Variants in PIK3R5 observed in about 807,000 individuals in gnomAD.
PIK3R5 encodes the protein phosphoinositide 3-kinase regulatory subunit 5.
In PIK3R5, 32 loss-of-function variants were observed where a neutral mutation model predicts 94.9. The observed-to-expected ratio is 0.34, with a 90% CI of 0.25 to 0.45. The LOEUF is 0.45. Ranked by LOEUF, PIK3R5 falls within the 20% of genes least tolerant of loss-of-function variation. The pLI, the probability that PIK3R5 is intolerant of heterozygous loss-of-function variation, is 1.00. For missense variants in PIK3R5, 853 were observed against 1,144.6 expected (o/e 0.75, Z 3.68); for synonymous variants, 443 against 479.4 (o/e 0.92, Z 0.99).
intron 15 of PIK3R5, among the ~76,000 whole-genome samples, chr17:8,883,300 G>A (rs750063900): frequency 1.3e-4 from 20 of 152,202 alleles, no homozygotes; most frequent in Non-Finnish European, 2.2e-4. Context: ...CCAGGGAGGC[G>A]GATGTTGCAG....
In PIK3R5 at chr17:8,886,251, G is replaced by A. The variant is rs774344215; in HGVS notation, c.2106C>T (p.Ala702=). 1 of 1,613,140 alleles carries A rather than the reference G, an allele frequency of 6.2e-7. No individual in the cohort carries two copies. The highest frequency in any genetic ancestry group is 8.5e-7 in the Non-Finnish European group (1 of 1,179,734). Residue 702 remains alanine, a synonymous_variant, in exon 14 of 19, where the codon GCC becomes GCT. Coordinates refer to ENST00000447110, the MANE Select transcript of PIK3R5 (RefSeq NM_001142633.3). ...CACCTGACGCCTTGATGGCACGTGT[G>A]GCAGCGGAGTGACCCAGCTCCAAGG... is the stretch of plus-strand genomic sequence containing the variant. ...IHSLELGHSA[A]TRAIKASGPG...
intron 11 of PIK3R5, 21 bp from the exon 12 acceptor site, chr17:8,887,242 C>A: frequency 1.2e-6 from 2 of 1,613,112 alleles, no homozygotes; most frequent in South Asian, 2.2e-5. Flanking sequence ...GAACAAGAGT[C>A]ATCATCCCAG....
At chr17:8,947,470 A>G (rs1474181591) in intron 1 of PIK3R5, among the ~76,000 whole-genome samples, 1 of 152,222 alleles carries the variant, frequency 6.6e-6, no homozygotes, top group Non-Finnish European at 1.5e-5. Flanking sequence ...TTATGAAAGC[A>G]GCTATCCAAG....
At position 8,888,279 on chromosome 17, in the gene PIK3R5, C is replaced by T. The variant is rs762772526; in HGVS notation, c.1508G>A (p.Arg503His). ...LAPASRPQRR[R>H]PFLSGDEDPK... ...ATCCTCATCTCCACTCAGGAAGGGG[C>T]GGCGGCGCTGGGGGCGTGAAGCAGG... The change falls in exon 10 of 19, where the codon CGC (arginine) becomes CAC (histidine). Residue 503 changes from arginine to histidine, a missense_variant. Coordinates refer to ENST00000447110, the MANE Select transcript of PIK3R5 (RefSeq NM_001142633.3). The surrounding 1 kb of genome is among the most constrained non-coding windows in gnomAD (Gnocchi z 7.8). 2.0e-5 allele frequency: 33 copies of T among 1,613,060 alleles called. No individual in the cohort carries two copies. Among genetic ancestry groups the T allele is most frequent in the Admixed American group, 3.3e-5 (2 of 59,984 alleles).
rs1037671630 is a variant in PIK3R5 at position 8,955,729 on chromosome 17, G to A, written c.-14+9867C>T. The stretch of plus-strand genomic sequence containing the variant: ...ACCATCAAAACGGGCTGGGGAGTGG[G>A]GAACAAGGAAGATGGAGGGAGGACT... On this transcript the variant is annotated intron_variant, in intron 1 of 18. Coordinates refer to ENST00000447110, the MANE Select transcript of PIK3R5 (RefSeq NM_001142633.3). This position sits in a 1 kb window ranked among gnomAD's most constrained non-coding sequence, Gnocchi z 4.4. Among the ~76,000 whole-genome samples, 4 of 152,234 alleles carry A rather than the reference G, an allele frequency of 2.6e-5. No homozygotes were observed. Among genetic ancestry groups the A allele is most frequent in the Admixed American group, 1.3e-4 (2 of 15,296 alleles).
Position 8,880,728 on chromosome 17 carries a change from T to G in PIK3R5, c.2554A>C (p.Thr852Pro), listed in dbSNP as rs376974440. Reference sequence around the variant, plus strand: ...GCCTGGGCCGGCAGGTCAGGAGGCGTCTGGGGTGGTGAGGAGAGGTCGCTC... The same window carrying G: ...GCCTGGGCCGGCAGGTCAGGAGGCGGCTGGGGTGGTGAGGAGAGGTCGCTC... Reference protein sequence around the residue: ...EKSDLSSPPQTPPDLPAQAAP... With the variant: ...EKSDLSSPPQPPPDLPAQAAP... Residue 852 changes from threonine to proline, a missense_variant, in exon 19 of 19, where the codon ACG becomes CCG. By Grantham distance (38) the Thr-to-Pro change is conservative. Around this residue, in one of 6 missense-constraint regions of PIK3R5, gnomAD observed 91 missense variants for 90.5 expected, o/e 1.01. Transcript: ENST00000447110. The G allele has an allele frequency of 4.3e-6, 7 of 1,613,652 alleles. No homozygotes were observed. The highest frequency in any genetic ancestry group is 5.1e-6 in the Non-Finnish European group (6 of 1,179,866).
At chr17:8,930,415 T>C (rs1363936860) in intron 1 of PIK3R5, among the ~76,000 whole-genome samples, 2 of 152,176 alleles carry the variant, frequency 1.3e-5, no homozygotes, top group Non-Finnish European at 2.9e-5. Context: ...GTACAATGTA[T>C]CAAAATTGGT....
intron 1 of PIK3R5, among the ~76,000 whole-genome samples, chr17:8,919,942 T>G (rs1442658129): frequency 6.9e-6 from 1 of 144,284 alleles, no homozygotes; most frequent in East Asian, 2.0e-4. Flanking sequence ...CAGGCTGGAG[T>G]GCAGTGGCGT....
At chr17:8,897,418 C>T (rs1285783473) in intron 5 of PIK3R5, among the ~76,000 whole-genome samples, 1 of 152,204 alleles carries the variant, frequency 6.6e-6, no homozygotes, top group East Asian at 1.9e-4. Context: ...CTGCTCTGAA[C>T]AGGTGCAGTG....
Position 8,893,414 on chromosome 17 carries a change from C to T in PIK3R5, c.482+172G>A, listed in dbSNP as rs368352019. 6.6e-6 allele frequency among the ~76,000 whole-genome samples: 1 copy of T among 152,220 alleles called. No individual in the cohort carries two copies. Among genetic ancestry groups the T allele is most frequent in the African/African-American group, 2.4e-5 (1 of 41,518 alleles). ...AAAAACACACCTGGACACAAAATAT[C>T]ACCAGCAGTGCCAGGGGGTTCCCAG... On this transcript the variant is annotated intron_variant, in intron 6 of 18. Transcript: ENST00000447110. This position sits in a 1 kb window ranked among gnomAD's most constrained non-coding sequence, Gnocchi z 5.1.
At chr17:8,905,364 C>T (rs2090372319) in intron 4 of PIK3R5, among the ~76,000 whole-genome samples, 1 of 152,210 alleles carries the variant, frequency 6.6e-6, no homozygotes, top group Non-Finnish European at 1.5e-5. Context: ...TTGGGTGAAA[C>T]CGACTACTGG....
chr17:8,924,545 T>C (rs1215754423), intron 1 of PIK3R5, among the ~76,000 whole-genome samples: 1 of 152,162 alleles, frequency 6.6e-6, no homozygotes, highest in Non-Finnish European at 1.5e-5. Flanking sequence ...ATCCATTATC[T>C]TTTCCCTTGC....
intron 1 of PIK3R5, among the ~76,000 whole-genome samples, chr17:8,957,729 T>A (rs535029192): frequency 7.9e-5 from 12 of 152,282 alleles, no homozygotes; most frequent in African/African-American, 2.9e-4. Flanking sequence ...CTCTCGGGCA[T>A]GAGCCTGGGA....
chr17:8,901,991 T>A (rs937944865), intron 5 of PIK3R5, among the ~76,000 whole-genome samples: 3 of 152,264 alleles, frequency 2.0e-5, no homozygotes, highest in African/African-American at 7.2e-5. Context: ...TGCTTTCTGA[T>A]GCTTTAGCAA....
rs1232490666 is a variant in PIK3R5, at chr17:8,890,880, T to C, written c.515A>G (p.Gln172Arg). The C allele has an allele frequency of 1.2e-6, 2 of 1,613,750 alleles. No homozygotes were observed. Among genetic ancestry groups the C allele is most frequent in the African/African-American group, 1.3e-5 (1 of 74,956 alleles). Residue 172 changes from glutamine (Q) to arginine (R), a missense_variant, in exon 7 of 19, where the codon CAG (glutamine) becomes CGG (arginine). By Grantham distance (43) the Gln-to-Arg change is conservative. Transcript: ENST00000447110. This position sits in a 1 kb window ranked among gnomAD's most constrained non-coding sequence, Gnocchi z 6.1. The stretch of plus-strand genomic sequence containing the variant: ...ATTGGCTACAGCAAGGAACTCGGCC[T>C]GCACTTCCACTGGGTTCAGCAGCAG... ...TVLLLNPVEV[Q>R]AEFLAVANKL...
chr17:8,920,844 CTTTTTTT>C lies in PIK3R5; in HGVS notation c.-13-9344_-13-9338del, dbSNP rs66921095. On this transcript the variant is annotated intron_variant, in intron 1 of 18. Transcript: ENST00000447110. ...GTATTTTTTTTTCTTTTTTCTTTTT[CTTTTTTT>C]TTTTTTTGAGATGGAGTTTCGCTCT... Among the ~76,000 whole-genome samples, 31 of 133,742 alleles carry C rather than the reference CTTTTTTT, an allele frequency of 2.3e-4. No individual in the cohort carries two copies. The East Asian group carries it at 6.1e-3, about 26-fold the overall frequency. The allele number at this position is 133,742 out of a possible 152,430, so 87.7% of individuals were successfully genotyped here. A position where few individuals can be genotyped will look rare whatever the true frequency, so the allele number is the denominator to read the frequency against.
chr17:8,950,612 G>A (rs968780523), intron 1 of PIK3R5, among the ~76,000 whole-genome samples: 2 of 152,178 alleles, frequency 1.3e-5, no homozygotes, highest in African/African-American at 4.8e-5. Flanking sequence ...CCATGTTGCT[G>A]CAAAGGACAT....
chr17:8,887,189 G>A lies in PIK3R5; in HGVS notation c.1812C>T (p.Thr604=). The A allele has an allele frequency of 1.2e-6, 2 of 1,613,806 alleles. No homozygotes were observed. The highest frequency in any genetic ancestry group is 1.7e-6 in the Non-Finnish European group (2 of 1,179,916). The change falls in exon 12 of 19, where the codon ACC becomes ACT. Residue 604 remains threonine, a synonymous_variant. Transcript: ENST00000447110. ...ELGTTPWEES[T]NDISHYLGML... ...TGCCGAGGTAGTGGGAGATGTCATT[G>A]GTGCTCTCCTCCCATGGGGTGGTGC...
chr17:8,964,186 A>G (rs531087908), intron 1 of PIK3R5, among the ~76,000 whole-genome samples: 32 of 152,194 alleles, frequency 2.1e-4, no homozygotes, highest in African/African-American at 7.7e-4. Context: ...AGCTCAAGGA[A>G]TTTGGGACCA....
Sources: gnomAD v4.1 joint callset for allele counts (sites outside exome capture counted in the v4.1 genomes callset) on GRCh38, gnomAD v4.1.1 for gene constraint, gnomAD v4.1.1 regional missense constraint, Gnocchi (gnomAD v3.1) non-coding constraint, MANE v1.5 for transcripts, NCBI Gene and HGNC (gene_info 2026-07-23, HGNC 2026-07-21) for gene names.